Variants in MEGF6 observed in about 807,000 individuals in gnomAD.
MEGF6 encodes the protein multiple epidermal growth factor-like domains protein 6.
Under a neutral mutation model 207.1 loss-of-function variants are expected in MEGF6, and 184 were observed. That is an observed-to-expected ratio of 0.89 (90% CI 0.79 to 1.00). The LOEUF is 1.00. Among genes scored for constraint, MEGF6 ranks in the 50% least tolerant of loss-of-function variants. The pLI, the probability that MEGF6 is intolerant of heterozygous loss-of-function variation, is 0.00. For synonymous variants in MEGF6, 1,038 were observed against 910.0 expected (o/e 1.14, Z -2.53); for missense variants, 2,282 against 2,202.9 (o/e 1.04, Z -0.72).
intron 35 of MEGF6, among the ~76,000 whole-genome samples, 160 bp downstream of exon 35, chr1:3,492,479 G>C (rs1640412833): frequency 6.6e-6 from 1 of 152,192 alleles, no homozygotes; most frequent in Non-Finnish European, 1.5e-5. Context: ...GTGACACTCT[G>C]GGTACCGGGT....
rs558579302 is a variant in MEGF6, at chr1:3,552,374, G to A, written c.481+27451C>T. ...ATGCCAGGAGGGCAACAGGACTGGGGTCTAGGACAGAGCCAAGAAAGCGCT... is the reference window on the plus strand; with the variant it reads ...ATGCCAGGAGGGCAACAGGACTGGGATCTAGGACAGAGCCAAGAAAGCGCT... On this transcript the variant is annotated intron_variant, in intron 4 of 36. Coordinates refer to ENST00000356575, the MANE Select transcript of MEGF6 (RefSeq NM_001409.4). 1.4e-3 allele frequency among the ~76,000 whole-genome samples: 208 copies of A among 152,358 alleles called. 1 individual carries two copies. The highest frequency in any genetic ancestry group is 4.7e-3 in the African/African-American group (196 of 41,592).
intron 1 of MEGF6, 41 bp from the exon 2 acceptor site, chr1:3,602,641 C>T: frequency 6.4e-7 from 1 of 1,570,082 alleles, no homozygotes; most frequent in Middle Eastern, 1.8e-4. Context: ...CGGCCACCCC[C>T]AGCCGGCAAC....
At chr1:3,557,486 T>C (rs1643069713) in intron 4 of MEGF6, among the ~76,000 whole-genome samples, 1 of 152,126 alleles carries the variant, frequency 6.6e-6, no homozygotes, top group Non-Finnish European at 1.5e-5. Flanking sequence ...AAGCCCGGCG[T>C]CCAGGCTACG....
chr1:3,578,284 G>A (rs549813602), intron 4 of MEGF6, among the ~76,000 whole-genome samples: 168 of 152,320 alleles, frequency 1.1e-3, no homozygotes, highest in Middle Eastern at 0.01. Flanking sequence ...AAAGTCAAGC[G>A]GCGCACATTG....
chr1:3,543,727 G>A (rs1642605158), intron 4 of MEGF6, among the ~76,000 whole-genome samples: 2 of 152,220 alleles, frequency 1.3e-5, no homozygotes, highest in African/African-American at 4.8e-5. Context: ...GGCCAGCTCT[G>A]CCAGATGGCA....
intron 1 of MEGF6, among the ~76,000 whole-genome samples, chr1:3,609,031 G>A (rs1403998712): frequency 6.6e-6 from 1 of 152,184 alleles, no homozygotes; most frequent in Admixed American, 6.5e-5. Flanking sequence ...CAACTCAGCA[G>A]CCAGTGGTTC....
In MEGF6 at chr1:3,523,074, C is replaced by G. The variant is rs868596987; in HGVS notation, c.604+1050G>C. On this transcript the variant is annotated intron_variant, in intron 5 of 36. Transcript: ENST00000356575. Reference sequence around the variant, plus strand: ...GTGGCCGGGACATGTGAGTGTGTGCCGGGGGGGGGGCCCCAGGGCTGGCGA... The same window carrying G: ...GTGGCCGGGACATGTGAGTGTGTGCGGGGGGGGGGGCCCCAGGGCTGGCGA... Among the ~76,000 whole-genome samples, 242 of 148,086 alleles carry G rather than the reference C, an allele frequency of 1.6e-3. 3 individuals carry two copies. The highest frequency in any genetic ancestry group is 2.7e-3 in the Admixed American group (41 of 14,992).
rs761175471 is a variant in MEGF6 at position 3,498,345 on chromosome 1, CCCCCCTG to C, written c.3352+19_3352+25del. The C allele has an allele frequency of 6.3e-7, 1 of 1,584,208 alleles. No individual in the cohort carries two copies. The highest frequency in any genetic ancestry group is 1.1e-5 in the South Asian group (1 of 89,742). On this transcript the variant is annotated intron_variant, in intron 26 of 36. Transcript: ENST00000356575. ...ACCCCTTCCCAGCAGGGCCTGCAGA[CCCCCCTG>C]CTGCCCCGCCCCACTCACGGCTCTG...
At position 3,568,175 on chromosome 1, in the gene MEGF6, T is replaced by C. The variant is rs567059304; in HGVS notation, c.481+11650A>G. 2.6e-5 allele frequency among the ~76,000 whole-genome samples: 4 copies of C among 152,286 alleles called. No homozygotes were observed. The South Asian group carries it at 8.3e-4, about 32-fold the overall frequency. On this transcript the variant is annotated intron_variant, in intron 4 of 36. Transcript: ENST00000356575. ...ACATGTCTACTGCAGCCAGGGCCTCTGGGGTGCAGAGGCTCCCAGAGATTC... is the reference window on the plus strand; with the variant it reads ...ACATGTCTACTGCAGCCAGGGCCTCCGGGGTGCAGAGGCTCCCAGAGATTC...
In MEGF6 at chr1:3,494,032, A is replaced by G; in HGVS notation, c.4222T>C (p.Cys1408Arg). 2 of 1,609,766 alleles carry G rather than the reference A, an allele frequency of 1.2e-6. No homozygotes were observed. The highest frequency in any genetic ancestry group is 1.7e-6 in the Non-Finnish European group (2 of 1,178,714). ...PCDPISGRCL[C>R]PAGFHGHFCE... is the part of the protein sequence containing the mutation. ...AAGTGGCCGTGGAAGCCGGCAGGGCAGAGGCATCGGCCACTGATGGGGTCG... is the reference window on the plus strand; with the variant it reads ...AAGTGGCCGTGGAAGCCGGCAGGGCGGAGGCATCGGCCACTGATGGGGTCG... The change falls in exon 33 of 37, where the codon TGC becomes CGC. Residue 1408 changes from cysteine (C) to arginine (R), a missense_variant. Physicochemically the swap from Cys to Arg is radical, Grantham distance 180. Coordinates refer to ENST00000356575, the MANE Select transcript of MEGF6 (RefSeq NM_001409.4).
intron 1 of MEGF6, among the ~76,000 whole-genome samples, chr1:3,609,921 G>A (rs1644302784): frequency 6.6e-6 from 1 of 152,182 alleles, no homozygotes; most frequent in Non-Finnish European, 1.5e-5. Context: ...CCCACCCCTG[G>A]GACTCTGGGG....
intron 1 of MEGF6, among the ~76,000 whole-genome samples, chr1:3,607,444 C>A (rs1250361474): frequency 6.6e-6 from 1 of 152,194 alleles, no homozygotes; most frequent in Non-Finnish European, 1.5e-5. Flanking sequence ...ATTGATTGAT[C>A]ATCAATCAAG....
chr1:3,490,128 T>A lies in MEGF6; in HGVS notation c.*400A>T, dbSNP rs1190018454. ...TAAATACGGGCTGGGCGACTTCCAGTCCCAGGGCCTAGCACCAAAAAGCCT... is the reference window on the plus strand; with the variant it reads ...TAAATACGGGCTGGGCGACTTCCAGACCCAGGGCCTAGCACCAAAAAGCCT... On this transcript the variant is annotated 3_prime_UTR_variant, in exon 37 of 37. Transcript: ENST00000356575. 8.5e-6 allele frequency: 2 copies of A among 236,562 alleles called. No homozygotes were observed. Among genetic ancestry groups the A allele is most frequent in the Non-Finnish European group, 1.6e-5 (2 of 122,818 alleles). 14.7% of individuals were successfully genotyped at this position (236,562 alleles called of 1,614,324 possible). A position where few individuals can be genotyped will look rare whatever the true frequency, so the allele number is the denominator to read the frequency against.
intron 17 of MEGF6, among the ~76,000 whole-genome samples, chr1:3,504,069 T>TG (rs992542400): frequency 2.6e-5 from 4 of 151,978 alleles, no homozygotes; most frequent in East Asian, 1.9e-4. Context: ...GGGCCCATGC[T>TG]GGGGGGGCTT....
At chr1:3,549,822 C>T (rs181890407) in intron 4 of MEGF6, among the ~76,000 whole-genome samples, 117 of 152,324 alleles carry the variant, frequency 7.7e-4, no homozygotes, top group African/African-American at 2.8e-3. Context: ...TCTCAAAGCC[C>T]AGCTACGTGG....
At position 3,499,602 on chromosome 1, in the gene MEGF6, G is replaced by A; in HGVS notation, c.2951C>T (p.Pro984Leu). 6.3e-7 allele frequency: 1 copy of A among 1,581,744 alleles called. No homozygotes were observed. The highest frequency in any genetic ancestry group is 8.6e-7 in the Non-Finnish European group (1 of 1,165,302). ...ACCTCACGCACTCTCGGCACAGCGG[G>A]GGCCCCGGCGGCCAGCGGGGCAGAG... ...SCLCPAGRRGPRCAETCPAHT... is the reference protein window; with the variant it reads ...SCLCPAGRRGLRCAETCPAHT... Residue 984 changes from proline (P) to leucine (L), a missense_variant, in exon 23 of 37, where the codon CCC becomes CTC. Physicochemically the swap from Pro to Leu is moderately conservative, Grantham distance 98. Coordinates refer to ENST00000356575, the MANE Select transcript of MEGF6 (RefSeq NM_001409.4).
intron 4 of MEGF6, among the ~76,000 whole-genome samples, chr1:3,544,280 A>AGGCTAACCCTCTCCCCC (rs1642632713): frequency 7.4e-6 from 1 of 135,006 alleles, no homozygotes; most frequent in African/African-American, 3.8e-5. Flanking sequence ...CCTCAGCATC[A>AGGCTAACCCTCTCCCCC]CAGCAGCCAG....
intron 1 of MEGF6, among the ~76,000 whole-genome samples, chr1:3,603,035 C>T (rs1644185232): frequency 6.6e-6 from 1 of 152,204 alleles, no homozygotes; most frequent in Non-Finnish European, 1.5e-5. Flanking sequence ...GTTGCTGGGG[C>T]ACATGGCTGG....
chr1:3,573,135 C>T lies in MEGF6; in HGVS notation c.481+6690G>A, dbSNP rs892865342. Among the ~76,000 whole-genome samples, 1 of 150,494 alleles carries T rather than the reference C, an allele frequency of 6.6e-6. No individual in the cohort carries two copies. Among genetic ancestry groups the T allele is most frequent in the Non-Finnish European group, 1.5e-5 (1 of 67,660 alleles). On this transcript the variant is annotated intron_variant, in intron 4 of 36. Transcript: ENST00000356575. The surrounding 1 kb of genome is among the most constrained non-coding windows in gnomAD (Gnocchi z 5.1). ...TGGGTCCTCCTGTGTGTGCTGGGTC[C>T]TCCCTGGTGGGCTGTGTTCCCTCAG...
Sources: gnomAD v4.1 joint callset for allele counts (sites outside exome capture counted in the v4.1 genomes callset) on GRCh38, gnomAD v4.1.1 for gene constraint, Gnocchi (gnomAD v3.1) non-coding constraint, MANE v1.5 for transcripts, NCBI Gene and HGNC (gene_info 2026-07-23, HGNC 2026-07-21) for gene names.